The following CDC42SE2 variants were observed in gnomAD, a reference collection of about 807,000 sequenced individuals.
CDC42SE2 encodes CDC42 small effector 2.
A neutral mutation model predicts 11.5 loss-of-function variants in CDC42SE2; 3 were observed. The ratio of observed to expected loss-of-function variants is 0.26; its 90% CI spans 0.12 to 0.67. The LOEUF is 0.67. CDC42SE2 is among the 30% of genes least tolerant of loss of function. The pLI is 0.80. For missense variants in CDC42SE2, 82 were observed against 106.8 expected (o/e 0.77, Z 1.02); for synonymous variants, 33 against 34.8 (o/e 0.95, Z 0.18).
chr5:131,232,384 G>A, the CDC42SE2 span, among the ~76,000 whole-genome samples: 81 of 152,180 alleles, frequency 5.3e-4, no homozygotes, highest in Admixed American at 2.3e-3. Context: ...CAAAGTGCTA[G>A]GATTACAGGT....
rs1198287248 is a variant in CDC42SE2 at position 131,393,331 on chromosome 5, T to TTTAA, written c.*2243_*2246dup. On this transcript the variant is annotated 3_prime_UTR_variant, in exon 5 of 5. Coordinates refer to ENST00000505065, the MANE Select transcript of CDC42SE2 (RefSeq NM_001375635.1). ...AGCATTTCTCCTCCACTTTTTAAAA[T>TTTAA]TTAATTTACCCAGTACAGCGGGGCA... The TTTAA allele has an allele frequency of 6.6e-6, 1 of 152,364 alleles. No individual in the cohort carries two copies. The highest frequency in any genetic ancestry group is 1.5e-5 in the Non-Finnish European group (1 of 68,030). 9.4% of individuals were successfully genotyped at this position (152,364 alleles called of 1,614,324 possible).
chr5:131,352,700 CGTGA>C (rs1405435626), intron 2 of CDC42SE2, among the ~76,000 whole-genome samples: 1 of 152,066 alleles, frequency 6.6e-6, no homozygotes, highest in Non-Finnish European at 1.5e-5. Flanking sequence ...TTGTACCACA[CGTGA>C]GTATCAACTG....
chr5:131,262,135 C>T (rs941607121), upstream of CDC42SE2, among the ~76,000 whole-genome samples: 4 of 150,764 alleles, frequency 2.7e-5, no homozygotes, highest in Admixed American at 1.3e-4. Flanking sequence ...GGGAGGCTTA[C>T]AAGCACATAT....
rs187946833 is a variant in CDC42SE2, at chr5:131,297,618, G to A, written c.-454-18358G>A. On this transcript the variant is annotated intron_variant, in intron 1 of 4. Transcript: ENST00000505065. Reference sequence around the variant, plus strand: ...GCCTGTAGTCCCAGCTACTTGGGAGGCTGAGGCAGGAGAATGGCGTGAACC... The same window carrying A: ...GCCTGTAGTCCCAGCTACTTGGGAGACTGAGGCAGGAGAATGGCGTGAACC... 3.9e-5 allele frequency among the ~76,000 whole-genome samples: 6 copies of A among 152,042 alleles called. No homozygotes were observed. In the East Asian group the frequency reaches 9.6e-4, roughly 24 times the overall value.
chr5:131,359,153 G>T (rs1749637350), intron 2 of CDC42SE2, 56 bp from the exon 3 acceptor site: 2 of 186,602 alleles, frequency 1.1e-5, no homozygotes, highest in African/African-American at 2.3e-5. Flanking sequence ...AGAAATAAAA[G>T]CTTTCAAGGA....
chr5:131,245,351 C>A (rs1214519083), upstream of CDC42SE2: 3 of 152,024 alleles, frequency 2.0e-5, no homozygotes, highest in African/African-American at 7.3e-5. Context: ...TTCAATGTAA[C>A]CCTTGTTGGT....
intron 2 of CDC42SE2, among the ~76,000 whole-genome samples, chr5:131,337,981 C>G (rs1015707886): frequency 7.2e-5 from 11 of 152,342 alleles, no homozygotes; most frequent in Admixed American, 1.3e-4. Flanking sequence ...CTGTCCGGCA[C>G]TCCCCAGTGA....
intron 3 of CDC42SE2, among the ~76,000 whole-genome samples, chr5:131,372,837 T>C (rs1235485111): frequency 2.6e-5 from 4 of 152,220 alleles, no homozygotes; most frequent in Non-Finnish European, 5.9e-5. Context: ...ACCTGTCTCA[T>C]AGGATTCAAG....
At chr5:131,296,640 C>A (rs918714418) in intron 1 of CDC42SE2, among the ~76,000 whole-genome samples, 3 of 152,080 alleles carry the variant, frequency 2.0e-5, no homozygotes, top group African/African-American at 7.3e-5. Flanking sequence ...ATTAGGGGCC[C>A]ACTCTACTCC....
chr5:131,269,103 G>A (rs1238128207), intron 1 of CDC42SE2, among the ~76,000 whole-genome samples: 2 of 152,022 alleles, frequency 1.3e-5, no homozygotes, highest in Non-Finnish European at 2.9e-5. Flanking sequence ...TTGGTTCAAA[G>A]CTTAAGTATA....
intron 1 of CDC42SE2, among the ~76,000 whole-genome samples, chr5:131,313,778 GT>G (rs1427450179): frequency 6.6e-6 from 1 of 152,006 alleles, no homozygotes; most frequent in Admixed American, 6.6e-5. Flanking sequence ...TTTAAAAGCC[GT>G]TTTGATTGAT....
At chr5:131,355,336 A>G (rs1749503462) in intron 2 of CDC42SE2, among the ~76,000 whole-genome samples, 1 of 151,944 alleles carries the variant, frequency 6.6e-6, no homozygotes, top group Non-Finnish European at 1.5e-5. Context: ...AGTTAGCCAA[A>G]TGTGGTGGCA....
intron 1 of CDC42SE2, among the ~76,000 whole-genome samples, chr5:131,291,537 C>G (rs942267243): frequency 2.0e-5 from 3 of 152,106 alleles, no homozygotes; most frequent in Middle Eastern, 6.8e-3. Context: ...CATTAAAAGA[C>G]TAAATATAAT....
At position 131,328,446 on chromosome 5, in the gene CDC42SE2, A is replaced by G. The variant is rs148634266; in HGVS notation, c.-286+12302A>G. ...CTTTTATCTTTAATTCTGGGAAGTT[A>G]TTATTTCTTGAAATGTTTATTCTTC... On this transcript the variant is annotated intron_variant, in intron 2 of 4. Coordinates refer to ENST00000505065, the MANE Select transcript of CDC42SE2 (RefSeq NM_001375635.1). 4.2e-3 allele frequency among the ~76,000 whole-genome samples: 634 copies of G among 152,054 alleles called. 4 individuals are homozygous for G. Among genetic ancestry groups the G allele is most frequent in the African/African-American group, 0.013 (545 of 41,480 alleles).
intron 3 of CDC42SE2, among the ~76,000 whole-genome samples, chr5:131,377,452 A>C (rs1750190693): frequency 6.6e-6 from 1 of 152,206 alleles, no homozygotes; most frequent in Non-Finnish European, 1.5e-5. Flanking sequence ...TACAGGCGTG[A>C]GCCACCACGC....
chr5:131,333,344 A>T (rs1435279244), intron 2 of CDC42SE2, among the ~76,000 whole-genome samples: 1 of 152,200 alleles, frequency 6.6e-6, no homozygotes, highest in Admixed American at 6.5e-5. Context: ...TTTTGGTACC[A>T]GTACCATGCT....
chr5:131,299,342 T>C (rs1561576717), intron 1 of CDC42SE2, among the ~76,000 whole-genome samples: 1 of 152,146 alleles, frequency 6.6e-6, no homozygotes, highest in African/African-American at 2.4e-5. Flanking sequence ...TGGTATTCGT[T>C]GAGAGATGAT....
At chr5:131,330,492 G>C (rs1758398724) in intron 2 of CDC42SE2, among the ~76,000 whole-genome samples, 2 of 152,166 alleles carry the variant, frequency 1.3e-5, no homozygotes, top group Admixed American at 1.3e-4. Flanking sequence ...CCCTGTAGTA[G>C]AGGGATATCA....
At chr5:131,349,404 G>A (rs995365816) in intron 2 of CDC42SE2, among the ~76,000 whole-genome samples, 2 of 152,076 alleles carry the variant, frequency 1.3e-5, no homozygotes, top group South Asian at 2.1e-4. Context: ...ATGAGTTAAC[G>A]AGTGCAGCAC....
Sources: allele counts gnomAD v4.1 joint callset (sites outside exome capture counted in the v4.1 genomes callset), GRCh38; gene constraint gnomAD v4.1.1; transcripts MANE v1.5; gene names NCBI Gene and HGNC (gene_info 2026-07-23, HGNC 2026-07-21).